The following CLASP2 variants were observed in gnomAD, a reference collection of about 807,000 sequenced individuals.
The protein encoded by CLASP2 is CLIP-associating protein 2.
Under a neutral mutation model 194.4 loss-of-function variants are expected in CLASP2, and 47 were observed. That is an observed-to-expected ratio of 0.24 (90% CI 0.19 to 0.31). The LOEUF is 0.31. CLASP2 is among the 10% of genes least tolerant of loss of function. The pLI is 1.00. For missense variants in CLASP2, 1,445 were observed against 1,823.6 expected (o/e 0.79, Z 3.78); for synonymous variants, 619 against 633.5 (o/e 0.98, Z 0.34).
chr3:33,708,907 T>C (rs972315862), intron 1 of CLASP2, among the ~76,000 whole-genome samples: 16 of 152,174 alleles, frequency 1.1e-4, no homozygotes, highest in African/African-American at 3.9e-4. Flanking sequence ...GAGGTGATAT[T>C]TCATCGTGGT....
At chr3:33,712,789 C>G (rs1471314384) in intron 1 of CLASP2, among the ~76,000 whole-genome samples, 1 of 151,794 alleles carries the variant, frequency 6.6e-6, no homozygotes, top group Non-Finnish European at 1.5e-5. Flanking sequence ...ATGACGAAAC[C>G]CTGTCTCTAC....
At chr3:33,685,030 T>TAAATA (rs201257373) in intron 5 of CLASP2, among the ~76,000 whole-genome samples, 4 of 140,180 alleles carry the variant, frequency 2.9e-5, no homozygotes, top group East Asian at 2.1e-4. Context: ...AATAAATAAA[T>TAAATA]AATAATAATA....
chr3:33,516,228 AGG>A, intron 35 of CLASP2, 77 bp from the exon 36 acceptor site: 1 of 1,399,036 alleles, frequency 7.1e-7, no homozygotes, highest in Non-Finnish European at 9.5e-7. Flanking sequence ...TTGTAACTTA[AGG>A]GTCTTAATAT....
At chr3:33,577,304 A>G in intron 23 of CLASP2, 1 of 1,518,258 alleles carries the variant, frequency 6.6e-7, no homozygotes, top group Non-Finnish European at 9.0e-7. Flanking sequence ...CTATTACCAC[A>G]GAAACAAGGA....
chr3:33,711,424 C>G (rs1465130601), intron 1 of CLASP2, among the ~76,000 whole-genome samples: 6 of 136,134 alleles, frequency 4.4e-5, no homozygotes, highest in African/African-American at 1.6e-4. Flanking sequence ...TTTTTTATTT[C>G]TTTTTTTTTT....
At chr3:33,636,599 ATTT>A (rs968578912) in intron 8 of CLASP2, among the ~76,000 whole-genome samples, 4 of 152,098 alleles carry the variant, frequency 2.6e-5, no homozygotes, top group Non-Finnish European at 5.9e-5. Flanking sequence ...CAGGAAAAAA[ATTT>A]TTGTTTGTTT....
chr3:33,622,964 G>A (rs1314893294), intron 10 of CLASP2, among the ~76,000 whole-genome samples: 2 of 151,828 alleles, frequency 1.3e-5, no homozygotes, highest in African/African-American at 2.4e-5. Flanking sequence ...ACATGCCACC[G>A]TGCCTGGATA....
intron 1 of CLASP2, among the ~76,000 whole-genome samples, chr3:33,710,709 C>T (rs558419021): frequency 8.5e-5 from 13 of 152,282 alleles, no homozygotes; most frequent in African/African-American, 1.9e-4. Flanking sequence ...CCAAGGCAGG[C>T]GGATCACCAC....
At chr3:33,521,932 G>A (rs1312413950) in intron 34 of CLASP2, among the ~76,000 whole-genome samples, 1 of 152,088 alleles carries the variant, frequency 6.6e-6, no homozygotes, top group Non-Finnish European at 1.5e-5. Flanking sequence ...CATGTTGCTG[G>A]AGCAGCTTGC....
chr3:33,502,550 T>C (rs936128269), intron 37 of CLASP2: 3 of 152,228 alleles, frequency 2.0e-5, no homozygotes, highest in Admixed American at 2.0e-4. Flanking sequence ...AACTGAAACT[T>C]TGTACCTTTT....
At chr3:33,594,361 GA>G (rs2069653462) in intron 20 of CLASP2, among the ~76,000 whole-genome samples, 1 of 151,988 alleles carries the variant, frequency 6.6e-6, no homozygotes, top group African/African-American at 2.4e-5. Flanking sequence ...TATAAACATT[GA>G]ATTACTTTCC....
chr3:33,683,611 A>G (rs1043975612), intron 6 of CLASP2: 2 of 152,302 alleles, frequency 1.3e-5, no homozygotes, highest in African/African-American at 2.4e-5. Flanking sequence ...CTGTCTCAAA[A>G]ACAAACAAAA....
chr3:33,689,993 A>G (rs1365133619), intron 2 of CLASP2, 61 bp from the exon 3 acceptor site: 1 of 1,098,934 alleles, frequency 9.1e-7, no homozygotes, highest in Non-Finnish European at 1.3e-6. Context: ...TAAAAACTAT[A>G]TTTTTCAAAA....
At chr3:33,643,899 T>C (rs925995893) in intron 8 of CLASP2, among the ~76,000 whole-genome samples, 39 of 152,042 alleles carry the variant, frequency 2.6e-4, no homozygotes, top group African/African-American at 9.2e-4. Flanking sequence ...ACCATGATTT[T>C]CTCACCAGTT....
intron 7 of CLASP2, among the ~76,000 whole-genome samples, chr3:33,646,018 C>T (rs2154312063): frequency 6.6e-6 from 1 of 151,612 alleles, no homozygotes; most frequent in East Asian, 1.9e-4. Context: ...TTCTCTAGGA[C>T]CCTGCACAAA....
At chr3:33,569,944 A>G (rs1464007971) in intron 26 of CLASP2, among the ~76,000 whole-genome samples, 2 of 152,196 alleles carry the variant, frequency 1.3e-5, no homozygotes, top group Admixed American at 6.5e-5. Context: ...GACAATAAAA[A>G]GAAACAGTAA....
At chr3:33,644,673 CAT>C in intron 8 of CLASP2, 82 bp downstream of exon 8, 1 of 1,449,838 alleles carries the variant, frequency 6.9e-7, no homozygotes, top group Non-Finnish European at 9.6e-7. Flanking sequence ...CATGAATAAA[CAT>C]ATTCCTCTGA....
chr3:33,558,013 G>A (rs1010221501), intron 29 of CLASP2, among the ~76,000 whole-genome samples: 2 of 151,726 alleles, frequency 1.3e-5, no homozygotes, highest in African/African-American at 4.9e-5. Context: ...AGAGGACAAC[G>A]ATGAGACTAG....
intron 34 of CLASP2, among the ~76,000 whole-genome samples, chr3:33,523,733 C>T (rs1421074924): frequency 6.6e-6 from 1 of 152,022 alleles, no homozygotes; most frequent in Non-Finnish European, 1.5e-5. Flanking sequence ...TCTACATAAT[C>T]TAAGAGACTA....
Sources: gnomAD v4.1 joint callset for allele counts (sites outside exome capture counted in the v4.1 genomes callset) on GRCh38, gnomAD v4.1.1 for gene constraint, MANE v1.5 for transcripts, NCBI Gene and HGNC (gene_info 2026-07-23, HGNC 2026-07-21) for gene names.